Variants in SLC2A9 observed in about 807,000 individuals in gnomAD.
SLC2A9 encodes the protein solute carrier family 2, facilitated glucose transporter member 9.
In SLC2A9, 39 loss-of-function variants were observed where a neutral mutation model predicts 50.6. That is an observed-to-expected ratio of 0.77 (90% CI 0.60 to 1.01). SLC2A9 has a LOEUF of 1.01. Ranked by LOEUF, SLC2A9 falls within the 50% of genes least tolerant of loss-of-function variation. The pLI is 0.00. For synonymous variants in SLC2A9, 324 were observed against 276.9 expected (o/e 1.17, Z -1.69); for missense variants, 686 against 677.6 (o/e 1.01, Z -0.14).
At chr4:9,850,211 C>T (rs2109306161) in intron 10 of SLC2A9, among the ~76,000 whole-genome samples, 1 of 152,262 alleles carries the variant, frequency 6.6e-6, no homozygotes, top group South Asian at 2.1e-4. Context: ...CCCGCTCTCA[C>T]CATGGACCTC....
intron 8 of SLC2A9, among the ~76,000 whole-genome samples, chr4:9,901,691 G>T (rs1166227085): frequency 1.3e-5 from 2 of 150,964 alleles, no homozygotes; most frequent in African/African-American, 4.9e-5. Flanking sequence ...CCAGCCCCTT[G>T]GCCCCTCAAG....
chr4:9,988,070 G>T (rs530865243), intron 3 of SLC2A9, among the ~76,000 whole-genome samples: 1 of 152,262 alleles, frequency 6.6e-6, no homozygotes, highest in African/African-American at 2.4e-5. Flanking sequence ...ACTACATCTT[G>T]TCTTCTCTGT....
intron 3 of SLC2A9, chr4:9,782,348 T>C (rs1718547645): frequency 6.2e-7 from 1 of 1,614,064 alleles, no homozygotes; most frequent in East Asian, 2.2e-5. Flanking sequence ...GGCCGGTTAC[T>C]GGCCCTTTGG....
At chr4:9,901,040 G>A (rs567193408) in intron 8 of SLC2A9, among the ~76,000 whole-genome samples, 1 of 152,168 alleles carries the variant, frequency 6.6e-6, no homozygotes, top group Admixed American at 6.5e-5. Context: ...TCAGGCAATG[G>A]TAACACTAAT....
chr4:9,781,944 T>A, intron 3 of SLC2A9: 1 of 1,205,992 alleles, frequency 8.3e-7, no homozygotes, highest in Non-Finnish European at 1.1e-6. Context: ...AGGGGGCGCA[T>A]CCTCGGGGTG....
At chr4:9,884,025 G>A (rs770347411) in intron 10 of SLC2A9, among the ~76,000 whole-genome samples, 9 of 152,192 alleles carry the variant, frequency 5.9e-5, no homozygotes, top group South Asian at 2.1e-4. Flanking sequence ...AGAGACACTC[G>A]GGGTTGGCAG....
At chr4:9,808,404 C>T (rs1722408880) in intron 3 of SLC2A9, among the ~76,000 whole-genome samples, 1 of 152,160 alleles carries the variant, frequency 6.6e-6, no homozygotes, top group Non-Finnish European at 1.5e-5. Context: ...GCGTCGGCCA[C>T]AGTGAGAAGC....
At position 9,886,300 on chromosome 4, in the gene SLC2A9, C is replaced by T. The variant is rs150931000; in HGVS notation, c.1291+1267G>A. On this transcript the variant is annotated intron_variant, in intron 10 of 11. Coordinates refer to ENST00000264784, the MANE Select transcript of SLC2A9 (RefSeq NM_020041.3). ...TGCAGATGCCCTGGAAGACTAAACA[C>T]ATTTACTCCTCGCGTCCACTGTAAA... 7.1e-3 allele frequency among the ~76,000 whole-genome samples: 1,077 copies of T among 152,352 alleles called. 13 individuals are homozygous for T. Among genetic ancestry groups the T allele is most frequent in the African/African-American group, 0.024 (1,006 of 41,570 alleles).
intron 2 of SLC2A9, among the ~76,000 whole-genome samples, chr4:10,016,404 C>G (rs889761290): frequency 1.3e-4 from 20 of 152,166 alleles, no homozygotes; most frequent in Admixed American, 3.9e-4. Flanking sequence ...ACAGGGCTGT[C>G]ATGAGGGTGC....
chr4:9,873,921 G>T (rs913167464), intron 10 of SLC2A9, among the ~76,000 whole-genome samples: 1 of 152,100 alleles, frequency 6.6e-6, no homozygotes, highest in Admixed American at 6.5e-5. Flanking sequence ...TTTTACCTCT[G>T]GTTTATTCCC....
At chr4:9,980,496 G>A in intron 5 of SLC2A9, 96 bp downstream of exon 5, 2 of 1,559,778 alleles carry the variant, frequency 1.3e-6, no homozygotes, top group South Asian at 1.1e-5. Flanking sequence ...ACCAGAAATT[G>A]CAAAATACAG....
downstream of SLC2A9, among the ~76,000 whole-genome samples, chr4:9,798,368 G>T (rs1383119644): frequency 6.6e-6 from 1 of 152,240 alleles, no homozygotes; most frequent in Non-Finnish European, 1.5e-5. Flanking sequence ...TGGAGCATTT[G>T]TGTGGTCACT....
At chr4:9,998,202 A>G (rs1024902521) in intron 2 of SLC2A9, among the ~76,000 whole-genome samples, 1 of 152,208 alleles carries the variant, frequency 6.6e-6, no homozygotes, top group Non-Finnish European at 1.5e-5. Context: ...CTCCAAACAG[A>G]GTTCAGTCCC....
At chr4:10,022,140 A>G (rs1276494890), upstream of SLC2A9, among the ~76,000 whole-genome samples, 2 of 150,818 alleles carry the variant, frequency 1.3e-5, no homozygotes, top group Non-Finnish European at 3.0e-5. Flanking sequence ...TGTCTGGCCA[A>G]CTCCTCCACT....
intron 6 of SLC2A9, among the ~76,000 whole-genome samples, chr4:9,935,443 G>A (rs972627156): frequency 2.0e-5 from 3 of 152,240 alleles, no homozygotes; most frequent in Non-Finnish European, 4.4e-5. Context: ...GGAGCCTTGG[G>A]CCTGACACTA....
At chr4:9,871,410 G>A (rs1185145709) in intron 10 of SLC2A9, among the ~76,000 whole-genome samples, 3 of 152,162 alleles carry the variant, frequency 2.0e-5, no homozygotes, top group Non-Finnish European at 4.4e-5. Context: ...TGGCAGAGTT[G>A]GTTCTCTCTG....
At chr4:9,838,490 G>A (rs2109186635) in intron 10 of SLC2A9, among the ~76,000 whole-genome samples, 1 of 152,180 alleles carries the variant, frequency 6.6e-6, no homozygotes, top group African/African-American at 2.4e-5. Context: ...TCTTCACAGA[G>A]CCATAAAAAA....
At chr4:9,803,499 G>T (rs1721732931) in intron 3 of SLC2A9, among the ~76,000 whole-genome samples, 1 of 152,130 alleles carries the variant, frequency 6.6e-6, no homozygotes, top group Admixed American at 6.6e-5. Flanking sequence ...CTTTCTTAAG[G>T]TCCCAAAGCC....
In SLC2A9 at chr4:9,929,228, G is replaced by A. The variant is rs140118986; in HGVS notation, c.815-8656C>T. The stretch of plus-strand genomic sequence containing the variant: ...ATTCCCACTTTGCAGGTGAGAAGAT[G>A]AAGCTTGCACATGGGCAGTGACACT... On this transcript the variant is annotated intron_variant, in intron 6 of 11. Transcript: ENST00000264784. 7.4e-4 allele frequency among the ~76,000 whole-genome samples: 112 copies of A among 152,380 alleles called. 1 individual carries two copies. In the East Asian group the frequency reaches 0.013, roughly 18 times the overall value.
Sources: allele counts gnomAD v4.1 joint callset (sites outside exome capture counted in the v4.1 genomes callset), GRCh38; gene constraint gnomAD v4.1.1; transcripts MANE v1.5; gene names NCBI Gene and HGNC (gene_info 2026-07-23, HGNC 2026-07-21).